GNAT3: variants seen among roughly 807,000 people sequenced by gnomAD.
The protein encoded by GNAT3 is G protein subunit alpha transducin 3, also known as guanine nucleotide-binding protein G(t) subunit alpha-3.
GNAT3 carries 31 observed loss-of-function variants against 37.7 expected under a neutral mutation model. That is an observed-to-expected ratio of 0.82 (90% confidence interval 0.62 to 1.11). The LOEUF (loss-of-function observed/expected upper bound fraction) is 1.11, where lower values mean the gene tolerates loss of function less well. Ranked by LOEUF, GNAT3 falls within the 50% of genes most tolerant of loss-of-function variation. The probability of loss-of-function intolerance (pLI) is 0.00; values close to 1 mark genes in which losing one functional copy is unlikely to be tolerated. For missense variants in GNAT3, 437 were observed against 412.5 expected (o/e 1.06, Z -0.51); for synonymous variants, 138 against 139.8 (o/e 0.99, Z 0.09).
intron 3 of GNAT3, among the ~76,000 whole-genome samples, chr7:80,484,326 A>C (rs374184378): frequency 6.6e-6 from 1 of 152,108 alleles, no homozygotes; most frequent in Non-Finnish European, 1.5e-5. Context: ...TAAAAATACC[A>C]TGTTTTGTGG....
intron 5 of GNAT3, among the ~76,000 whole-genome samples, chr7:80,471,609 C>A (rs1423418280): frequency 6.6e-6 from 1 of 152,040 alleles, no homozygotes; most frequent in Non-Finnish European, 1.5e-5. Flanking sequence ...CTCCCTCCCG[C>A]CTTCTCTCTG....
At position 80,497,693 on chromosome 7, in the gene GNAT3, G is replaced by A. The variant is rs530032348; in HGVS notation, c.119-3046C>T. Among the ~76,000 whole-genome samples, 7 of 148,560 alleles carry A rather than the reference G, an allele frequency of 4.7e-5. No homozygotes were observed. The South Asian group carries it at 1.5e-3, about 32-fold the overall frequency. On this transcript the variant is annotated intron_variant, in intron 1 of 7. Coordinates refer to ENST00000398291, the MANE Select transcript of GNAT3 (RefSeq NM_001102386.3). ...ATACATACATATATACACACACACTGTCTTAAATTACAGAGCAGTGGGGAT... is the reference window on the plus strand; with the variant it reads ...ATACATACATATATACACACACACTATCTTAAATTACAGAGCAGTGGGGAT...
At chr7:80,478,019 T>A (rs1344612228) in intron 4 of GNAT3, among the ~76,000 whole-genome samples, 1 of 152,184 alleles carries the variant, frequency 6.6e-6, no homozygotes, top group Non-Finnish European at 1.5e-5. Context: ...CAAGCAATCC[T>A]TCTGTCTCAG....
intron 3 of GNAT3, among the ~76,000 whole-genome samples, chr7:80,483,530 C>T (rs1362682795): frequency 6.6e-6 from 1 of 152,060 alleles, no homozygotes; most frequent in Admixed American, 6.6e-5. Context: ...CTAGTAATTT[C>T]TCACCAAACT....
At chr7:80,484,343 G>A (rs368573380) in intron 3 of GNAT3, among the ~76,000 whole-genome samples, 4 of 152,122 alleles carry the variant, frequency 2.6e-5, no homozygotes, top group South Asian at 4.2e-4. Flanking sequence ...GTGGCTACTC[G>A]GTTTTCAGAA....
Position 80,488,558 on chromosome 7 carries a change from C to A in GNAT3, c.280G>T (p.Asp94Tyr). The A allele has an allele frequency of 6.2e-7, 1 of 1,601,390 alleles. No individual in the cohort carries two copies. The highest frequency in any genetic ancestry group is 8.5e-7 in the Non-Finnish European group (1 of 1,172,796). Residue 94 changes from aspartate (D) to tyrosine (Y), a missense_variant, in exon 3 of 8, where the codon GAT (aspartate) becomes TAT (tyrosine). Physicochemically the swap from Asp to Tyr is radical, Grantham distance 160. Transcript: ENST00000398291. Reference protein sequence around the residue: ...IVKAMTTLGIDYVNPRSAEDQ... With the variant: ...IVKAMTTLGIYYVNPRSAEDQ... ...ACTGCACTTCTGGGATTTACATAAT[C>A]AATTCCAAGGGTAGTCATGGCTTTC...
intron 2 of GNAT3, among the ~76,000 whole-genome samples, chr7:80,492,385 T>A (rs1161975490): frequency 1.3e-5 from 2 of 151,508 alleles, no homozygotes; most frequent in African/African-American, 4.8e-5. Context: ...AAATAAAAAA[T>A]AAAATGTTAA....
At chr7:80,471,303 T>C (rs1790213415) in intron 5 of GNAT3, among the ~76,000 whole-genome samples, 1 of 151,366 alleles carries the variant, frequency 6.6e-6, no homozygotes, top group Non-Finnish European at 1.5e-5. Flanking sequence ...CAAATGTTAA[T>C]CTCCTTTGGT....
chr7:80,473,629 G>A (rs946057904), intron 5 of GNAT3, among the ~76,000 whole-genome samples: 3 of 151,972 alleles, frequency 2.0e-5, no homozygotes, highest in Non-Finnish European at 4.4e-5. Flanking sequence ...AATATTAAGG[G>A]ATATTTTCTA....
At chr7:80,497,649 CGTATATACATATACGTATATACA>C (rs2116215149) in intron 1 of GNAT3, among the ~76,000 whole-genome samples, 3 of 114,556 alleles carry the variant, frequency 2.6e-5, no homozygotes, top group African/African-American at 1.4e-4. Flanking sequence ...TATACATATA[CGTATATACATATACGTATATACA>C]TACATATATA....
At chr7:80,503,387 A>G (rs1790872540) in intron 1 of GNAT3, among the ~76,000 whole-genome samples, 2 of 152,218 alleles carry the variant, frequency 1.3e-5, no homozygotes, top group Admixed American at 1.3e-4. Flanking sequence ...ACATACAAAT[A>G]AAAGGCTTTG....
intron 5 of GNAT3, 122 bp downstream of exon 5, chr7:80,474,129 A>C: frequency 1.9e-5 from 17 of 884,980 alleles, no homozygotes; most frequent in Non-Finnish European, 2.6e-5. Flanking sequence ...AAGGTAAACT[A>C]GAGCTAGTGA....
At chr7:80,504,545 G>A (rs957570074) in intron 1 of GNAT3, among the ~76,000 whole-genome samples, 1 of 152,172 alleles carries the variant, frequency 6.6e-6, no homozygotes, top group African/African-American at 2.4e-5. Flanking sequence ...ATTCAAGGGT[G>A]TGTTGAAGTC....
intron 5 of GNAT3, among the ~76,000 whole-genome samples, chr7:80,468,420 T>C (rs1243203073): frequency 6.6e-6 from 1 of 152,164 alleles, no homozygotes; most frequent in Non-Finnish European, 1.5e-5. Flanking sequence ...AGCATGTACT[T>C]ATCTTTGAAA....
At chr7:80,486,322 G>A (rs939896307) in intron 3 of GNAT3, 14 of 152,118 alleles carry the variant, frequency 9.2e-5, no homozygotes, top group African/African-American at 3.4e-4. Flanking sequence ...GCCATTCAAT[G>A]TACAGTTTGA....
At position 80,462,158 on chromosome 7, in the gene GNAT3, C is replaced by G; in HGVS notation, c.874+1G>C. 6.5e-7 allele frequency: 1 copy of G among 1,539,216 alleles called. No homozygotes were observed. The highest frequency in any genetic ancestry group is 1.2e-5 in the South Asian group (1 of 81,594). ...ATGGAACTAAAAGAAAAAAATCTTA[C>G]CAGTGTATTCTGGAAAGCAGATACT... On this transcript the variant is annotated splice_donor_variant, in intron 7 of 7. Coordinates refer to ENST00000398291, the MANE Select transcript of GNAT3 (RefSeq NM_001102386.3). LOFTEE classifies it high-confidence loss of function.
At chr7:80,496,833 T>G (rs1301869947) in intron 1 of GNAT3, among the ~76,000 whole-genome samples, 1 of 152,148 alleles carries the variant, frequency 6.6e-6, no homozygotes, top group Non-Finnish European at 1.5e-5. Flanking sequence ...CTAAATTTAG[T>G]TCTATTCAGG....
rs541930977 is a variant in GNAT3, at chr7:80,511,617, T to TAATAA, written c.118+187_118+191dup. ...TTTGCCTCCTTGCTTAACAAAAAGG[T>TAATAA]AATAAAATACTAAACAGAAAAATTA... On this transcript the variant is annotated intron_variant, in intron 1 of 7. Coordinates refer to ENST00000398291, the MANE Select transcript of GNAT3 (RefSeq NM_001102386.3). Among the ~76,000 whole-genome samples, 7 of 151,898 alleles carry TAATAA rather than the reference T, an allele frequency of 4.6e-5. No homozygotes were observed. In the South Asian group the frequency reaches 1.5e-3, roughly 32 times the overall value.
intron 2 of GNAT3, among the ~76,000 whole-genome samples, chr7:80,492,426 CAT>C (rs1296258494): frequency 6.6e-6 from 1 of 151,510 alleles, no homozygotes; most frequent in African/African-American, 2.4e-5. Flanking sequence ...TTTTAGTAAA[CAT>C]AGCATTTTCT....
Sources: allele counts gnomAD v4.1 joint callset (sites outside exome capture counted in the v4.1 genomes callset), GRCh38; gene constraint gnomAD v4.1.1; transcripts MANE v1.5; gene names NCBI Gene and HGNC (gene_info 2026-07-23, HGNC 2026-07-21).